SMARCC1: variants seen among roughly 807,000 people sequenced by gnomAD.
SMARCC1 encodes the protein SWI/SNF related BAF chromatin remodeling complex subunit C1.
Under a neutral mutation model 147.4 loss-of-function variants are expected in SMARCC1, and 43 were observed. The ratio of observed to expected loss-of-function variants is 0.29; its 90% CI spans 0.23 to 0.38. The LOEUF (loss-of-function observed/expected upper bound fraction) is 0.38. Ranked by LOEUF, SMARCC1 falls within the 10% of genes least tolerant of loss-of-function variation. The pLI, the probability that SMARCC1 is intolerant of heterozygous loss-of-function variation, is 1.00. For missense variants in SMARCC1, 1,119 were observed against 1,381.1 expected, an observed-to-expected ratio of 0.81 and a Z score of 3.01; for synonymous variants, 495 against 484.4, an observed-to-expected ratio of 1.02 and a Z score of -0.29.
At position 47,701,307 on chromosome 3, in the gene SMARCC1, T is replaced by G; in HGVS notation, c.1136A>C (p.Asn379Thr). 1 of 1,613,240 alleles carries G rather than the reference T, an allele frequency of 6.2e-7. No individual in the cohort carries two copies. Among genetic ancestry groups the G allele is most frequent in the Non-Finnish European group, 8.5e-7 (1 of 1,179,220 alleles). The change falls in exon 11 of 28, where the codon AAT (asparagine) becomes ACT (threonine). Residue 379 changes from asparagine (N) to threonine (T), a missense_variant. Physicochemically the swap from Asn to Thr is moderately conservative, Grantham distance 65. Around this residue, in one of 6 missense-constraint regions of SMARCC1, gnomAD observed 542 missense variants for 611.8 expected, o/e 0.89. Transcript: ENST00000254480. ...TTTGGGAAGTACTACTTCTTCTATA[T>G]TGGGTACAGGTGTTGGGTCTTCCAT... ...KDMEDPTPVP[N>T]IEEVVLPKNV...
chr3:47,667,857 C>CA (rs2033442732), intron 19 of SMARCC1, among the ~76,000 whole-genome samples: 1 of 152,072 alleles, frequency 6.6e-6, no homozygotes. Flanking sequence ...AGCCTGGTGA[C>CA]AGAGTGAGAT....
chr3:47,655,181 G>A (rs1419613544), intron 21 of SMARCC1, among the ~76,000 whole-genome samples: 1 of 152,200 alleles, frequency 6.6e-6, no homozygotes, highest in African/African-American at 2.4e-5. Context: ...ATGTTCTGTA[G>A]AGCACTAGCT....
At chr3:47,768,257 C>T (rs1480223902) in intron 2 of SMARCC1, among the ~76,000 whole-genome samples, 1 of 152,150 alleles carries the variant, frequency 6.6e-6, no homozygotes, top group Non-Finnish European at 1.5e-5. Context: ...TTGTTTTATA[C>T]CATTATGGAT....
intron 9 of SMARCC1, among the ~76,000 whole-genome samples, chr3:47,709,635 G>A (rs573318862): frequency 6.6e-6 from 1 of 151,242 alleles, no homozygotes; most frequent in East Asian, 2.0e-4. Context: ...GCAGTGAGCC[G>A]AGATCGCGCC....
In SMARCC1 at chr3:47,729,085, T is replaced by C. The variant is rs1250497138; in HGVS notation, c.586A>G (p.Thr196Ala). The C allele has an allele frequency of 6.2e-7, 1 of 1,610,334 alleles. No individual in the cohort carries two copies. Among genetic ancestry groups the C allele is most frequent in the East Asian group, 2.2e-5 (1 of 44,834 alleles). The change falls in exon 6 of 28, where the codon ACG becomes GCG. Residue 196 changes from threonine (T) to alanine (A), a missense_variant. This residue lies in a region of SMARCC1 where 542 missense variants were observed against 611.8 expected (regional missense o/e 0.89). Transcript: ENST00000254480. Reference protein sequence around the residue: ...DIIKRHQGTFTDEKSKASHHI... With the variant: ...DIIKRHQGTFADEKSKASHHI... Reference sequence around the variant, plus strand: ...TGGGAAGCTTTTGACTTCTCATCCGTAAATGTTCCCTGGAAAGCAAATGAA... The same window carrying C: ...TGGGAAGCTTTTGACTTCTCATCCGCAAATGTTCCCTGGAAAGCAAATGAA...
rs1464102676 is a variant in SMARCC1 at position 47,590,746 on chromosome 3, C to T, written c.3135G>A (p.Gly1045=). ...GCATGCCAGGAGGGGTAGGGCCACT[C>T]CCAGAGGGGTGGATGTTGGCTGCAA... ...PTVAANIHPS[G]SGPTPPGMPP... The change falls in exon 27 of 28, where the codon GGG becomes GGA. Residue 1045 remains glycine, a synonymous_variant. Coordinates refer to ENST00000254480, the MANE Select transcript of SMARCC1 (RefSeq NM_003074.4). 1.2e-6 allele frequency: 2 copies of T among 1,603,582 alleles called. No individual in the cohort carries two copies. Among genetic ancestry groups the T allele is most frequent in the South Asian group, 2.2e-5 (2 of 89,162 alleles).
At position 47,708,083 on chromosome 3, in the gene SMARCC1, C is replaced by CTTTTTTTCTTTTTTTTTT. The variant is rs1559650534; in HGVS notation, c.919-1554_919-1553insAAAAAAAAAAGAAAAAAA. On this transcript the variant is annotated intron_variant, in intron 9 of 27. Transcript: ENST00000254480. Reference sequence around the variant, plus strand: ...GTAAATCTGAAGTTGAATTTTTTTTCTTTTTTTTTTTTTTTTTTTTTTTTT... The same window carrying CTTTTTTTCTTTTTTTTTT: ...GTAAATCTGAAGTTGAATTTTTTTTCTTTTTTTCTTTTTTTTTTTTTTTTTTTTTTTTTTTTTTTTTTT... Among the ~76,000 whole-genome samples the CTTTTTTTCTTTTTTTTTT allele has an allele frequency of 6.1e-4, 39 of 64,272 alleles. 2 individuals are homozygous for CTTTTTTTCTTTTTTTTTT. Among genetic ancestry groups the CTTTTTTTCTTTTTTTTTT allele is most frequent in the Non-Finnish European group, 7.8e-4 (29 of 37,130 alleles). The allele number at this position is 64,272 out of a possible 152,430, so 42.2% of individuals were successfully genotyped here. A position where few individuals can be genotyped will look rare whatever the true frequency, so the allele number is the denominator to read the frequency against.
At chr3:47,656,684 A>G (rs1043484402) in intron 21 of SMARCC1, among the ~76,000 whole-genome samples, 1 of 152,082 alleles carries the variant, frequency 6.6e-6, no homozygotes, top group Non-Finnish European at 1.5e-5. Context: ...GGAGGCAGAC[A>G]TGGGTGGATC....
chr3:47,715,436 C>T (rs541788968), intron 7 of SMARCC1, among the ~76,000 whole-genome samples: 3 of 152,306 alleles, frequency 2.0e-5, no homozygotes, highest in Admixed American at 1.3e-4. Flanking sequence ...ATTCCATTCT[C>T]AAGCACATCC....
chr3:47,663,960 C>T (rs1050090302), intron 19 of SMARCC1: 65 of 1,286,506 alleles, frequency 5.1e-5, no homozygotes, highest in Admixed American at 8.4e-5. Flanking sequence ...TTGAAAGCTC[C>T]GCAGAAATGA....
At chr3:47,661,800 TA>T (rs2033351106) in intron 20 of SMARCC1, among the ~76,000 whole-genome samples, 2 of 152,036 alleles carry the variant, frequency 1.3e-5, no homozygotes, top group Non-Finnish European at 2.9e-5. Flanking sequence ...TAAACATCCA[TA>T]AAACCAAGAA....
At position 47,710,818 on chromosome 3, in the gene SMARCC1, T is replaced by C. The variant is rs2034075857; in HGVS notation, c.793-10A>G. 1 of 1,596,586 alleles carries C rather than the reference T, an allele frequency of 6.3e-7. No individual in the cohort carries two copies. ...TCCATTTCACATGAACCTAAAACCA[T>C]ATCAAAGCATCAATATCTACATAAA... On this transcript the variant is annotated splice_polypyrimidine_tract_variant and intron_variant, in intron 8 of 27. Transcript: ENST00000254480.
At position 47,607,644 on chromosome 3, in the gene SMARCC1, C is replaced by A. The variant is rs967153374; in HGVS notation, c.3043+2422G>T. On this transcript the variant is annotated intron_variant, in intron 26 of 27. Transcript: ENST00000254480. ...ACATCTTAGGTTTTAATGATGCTGG[C>A]AGTTAAGCTTGAAGGAACTATGAGT... 2.2e-4 allele frequency among the ~76,000 whole-genome samples: 34 copies of A among 152,254 alleles called. 1 individual carries two copies. Among genetic ancestry groups the A allele is most frequent in the Admixed American group, 2.1e-3 (32 of 15,290 alleles).
chr3:47,708,093 T>TTTC (rs2034035595), intron 9 of SMARCC1, among the ~76,000 whole-genome samples: 1 of 103,006 alleles, frequency 9.7e-6, no homozygotes, highest in African/African-American at 4.1e-5. Flanking sequence ...CTTTTTTTTT[T>TTTC]TTTTTTTTTT....
In SMARCC1 at chr3:47,727,799, G is replaced by C. The variant is rs1037852367; in HGVS notation, c.646+1226C>G. ...CTTGGTTAAATTTCGCCATATTGGTGAGGCTGGTCTCAAACTCCTGACCTC... is the reference window on the plus strand; with the variant it reads ...CTTGGTTAAATTTCGCCATATTGGTCAGGCTGGTCTCAAACTCCTGACCTC... On this transcript the variant is annotated intron_variant, in intron 6 of 27. Coordinates refer to ENST00000254480, the MANE Select transcript of SMARCC1 (RefSeq NM_003074.4). Among the ~76,000 whole-genome samples, 8 of 151,816 alleles carry C rather than the reference G, an allele frequency of 5.3e-5. No homozygotes were observed. In the East Asian group the frequency reaches 1.4e-3, roughly 26 times the overall value.
At chr3:47,703,317 G>A (rs2033949805) in intron 10 of SMARCC1, among the ~76,000 whole-genome samples, 1 of 152,170 alleles carries the variant, frequency 6.6e-6, no homozygotes, top group South Asian at 2.1e-4. Flanking sequence ...TGACCTCAGG[G>A]TTTTAAGGTT....
chr3:47,682,162 T>C (rs1291060012), intron 14 of SMARCC1, among the ~76,000 whole-genome samples: 1 of 151,604 alleles, frequency 6.6e-6, no homozygotes, highest in African/African-American at 2.4e-5. Flanking sequence ...GGGCATGGTG[T>C]TGGGTGCCTG....
intron 14 of SMARCC1, among the ~76,000 whole-genome samples, chr3:47,685,538 C>A (rs1163204269): frequency 6.6e-6 from 1 of 151,328 alleles, no homozygotes; most frequent in Non-Finnish European, 1.5e-5. Context: ...TAGTTTCAAT[C>A]CCTGAATTGT....
At chr3:47,627,129 G>C (rs1055367534) in intron 24 of SMARCC1, among the ~76,000 whole-genome samples, 6 of 152,110 alleles carry the variant, frequency 3.9e-5, no homozygotes, top group African/African-American at 1.4e-4. Flanking sequence ...TCTGGAAATG[G>C]GGAGCTTTTG....
Sources: gnomAD v4.1 joint callset for allele counts (sites outside exome capture counted in the v4.1 genomes callset) on GRCh38, gnomAD v4.1.1 for gene constraint, gnomAD v4.1.1 regional missense constraint, MANE v1.5 for transcripts, NCBI Gene and HGNC (gene_info 2026-07-23, HGNC 2026-07-21) for gene names.